BANF1: variants seen among roughly 807,000 people sequenced by gnomAD.
The protein encoded by BANF1 is barrier to autointegration nuclear assembly factor 1.
For missense variants in BANF1, 47 were observed against 110.4 expected (o/e 0.43, Z 2.57); for synonymous variants, 49 against 43.7 (o/e 1.12, Z -0.48).
At position 66,003,963 on chromosome 11, in the gene BANF1, C is replaced by G; in HGVS notation, c.*191C>G. On this transcript the variant is annotated 3_prime_UTR_variant, in exon 3 of 3. Transcript: ENST00000312175. ...TTTGGATTCTCGCTCTTGCATGCCT[C>G]CCCCGTCCTTTTTCCCTTGCCAGTT... 1.4e-6 allele frequency: 1 copy of G among 691,956 alleles called. No homozygotes were observed. The highest frequency in any genetic ancestry group is 2.7e-5 in the Admixed American group (1 of 37,374). The allele number at this position is 691,956 out of a possible 1,614,324, so 42.9% of individuals were successfully genotyped here. A position where few individuals can be genotyped will look rare whatever the true frequency, so the allele number is the denominator to read the frequency against.
chr11:66,003,986 G>C lies in BANF1; in HGVS notation c.*214G>C, dbSNP rs1338507298. 1.7e-6 allele frequency: 1 copy of C among 586,222 alleles called. No individual in the cohort carries two copies. Among genetic ancestry groups the C allele is most frequent in the African/African-American group, 1.9e-5 (1 of 53,362 alleles). 36.3% of individuals were successfully genotyped at this position (586,222 alleles called of 1,614,324 possible). On this transcript the variant is annotated 3_prime_UTR_variant, in exon 3 of 3. Transcript: ENST00000312175. ...CTCCCCCGTCCTTTTTCCCTTGCCA[G>C]TTCCCTGGTGACAGTTACCAGCTTT... is the stretch of plus-strand genomic sequence containing the variant.
chr11:66,003,590 TGAGC>T (rs757441761), intron 2 of BANF1, 32 bp from the exon 3 acceptor site: 10 of 1,429,292 alleles, frequency 7.0e-6, no homozygotes, highest in Non-Finnish European at 8.7e-6. Context: ...CACTGAGCAC[TGAGC>T]AGCACGCTCC....
rs1179263107 is a variant in BANF1, at chr11:66,003,093, C to T, written c.-16-142C>T. 3 of 838,940 alleles carry T rather than the reference C, an allele frequency of 3.6e-6. No individual in the cohort carries two copies. In the African/African-American group the frequency reaches 5.1e-5, roughly 14 times the overall value. The allele number at this position is 838,940 out of a possible 1,614,324, so 52.0% of individuals were successfully genotyped here. ...ATAGTAGGGAAGAGTCTCCCTGGAA[C>T]TGTTTTCTCCTTTCAGGATGAGGGG... On this transcript the variant is annotated intron_variant, in intron 1 of 2. Transcript: ENST00000312175.
intron 1 of BANF1, chr11:66,002,880 G>T: frequency 3.0e-6 from 1 of 332,042 alleles, no homozygotes; most frequent in Non-Finnish European, 5.9e-6. Flanking sequence ...CCAAGTGGCC[G>T]TTCCAGGCAG....
intron 1 of BANF1, chr11:66,002,912 CA>C: frequency 2.7e-6 from 1 of 367,568 alleles, no homozygotes; most frequent in South Asian, 2.3e-5. Context: ...TTGGTTCAGC[CA>C]AGGTCACAGA....
intron 2 of BANF1, 37 bp downstream of exon 2, chr11:66,003,410 G>A (rs1856056530): frequency 6.2e-7 from 1 of 1,613,536 alleles, no homozygotes; most frequent in Non-Finnish European, 8.5e-7. Flanking sequence ...GCAAGCGGGG[G>A]GTGGAAGGGA....
rs977463579 is a variant in BANF1, at chr11:66,002,535, T to C, written c.-52T>C. The C allele has an allele frequency of 6.6e-6, 1 of 152,304 alleles. No individual in the cohort carries two copies. The highest frequency in any genetic ancestry group is 1.5e-5 in the Non-Finnish European group (1 of 67,998). The allele number at this position is 152,304 out of a possible 1,614,324, so 9.4% of individuals were successfully genotyped here. Reference sequence around the variant, plus strand: ...TGAGGTATCCGCAGGAGCGGCCGGGTGGCGGGAGGAACCGTTACGGGAACT... The same window carrying C: ...TGAGGTATCCGCAGGAGCGGCCGGGCGGCGGGAGGAACCGTTACGGGAACT... On this transcript the variant is annotated 5_prime_UTR_variant, in exon 1 of 3. Transcript: ENST00000312175.
At chr11:66,003,571 C>T in intron 2 of BANF1, 55 bp from the exon 3 acceptor site, 1 of 1,588,550 alleles carries the variant, frequency 6.3e-7, no homozygotes, top group Non-Finnish European at 8.6e-7. Flanking sequence ...CTGTCTTGCT[C>T]TTATCTCTCA....
intron 1 of BANF1, 64 bp from the exon 2 acceptor site, chr11:66,003,171 G>C: frequency 6.4e-7 from 1 of 1,569,740 alleles, no homozygotes; most frequent in Non-Finnish European, 8.7e-7. Flanking sequence ...CTATGAGATT[G>C]CTCGTGGGCC....
rs188168356 is a variant in BANF1 at position 66,002,883 on chromosome 11, C to T, written c.-17+313C>T. On this transcript the variant is annotated intron_variant, in intron 1 of 2. Transcript: ENST00000312175. ...TAGCTTTCCACGCCAAGTGGCCGTT[C>T]CAGGCAGGCAGTGTCGTCTTGGTTC... The T allele has an allele frequency of 1.2e-5, 4 of 332,378 alleles. No homozygotes were observed. The East Asian group carries it at 3.1e-4, about 26-fold the overall frequency. 20.6% of individuals were successfully genotyped at this position (332,378 alleles called of 1,614,324 possible).
rs1331991392 is a variant in BANF1, at chr11:66,003,967, C to T, written c.*195C>T. ...GATTCTCGCTCTTGCATGCCTCCCCCGTCCTTTTTCCCTTGCCAGTTCCCT... is the reference window on the plus strand; with the variant it reads ...GATTCTCGCTCTTGCATGCCTCCCCTGTCCTTTTTCCCTTGCCAGTTCCCT... On this transcript the variant is annotated 3_prime_UTR_variant, in exon 3 of 3. Transcript: ENST00000312175. 8.9e-6 allele frequency: 6 copies of T among 673,834 alleles called. No homozygotes were observed. Among genetic ancestry groups the T allele is most frequent in the Middle Eastern group, 4.3e-4 (1 of 2,334 alleles). The allele number at this position is 673,834 out of a possible 1,614,324, so 41.7% of individuals were successfully genotyped here.
chr11:66,003,576 C>T, intron 2 of BANF1, 50 bp from the exon 3 acceptor site: 1 of 1,584,554 alleles, frequency 6.3e-7, no homozygotes, highest in South Asian at 1.1e-5. Context: ...TTGCTCTTAT[C>T]TCTCACTGAG....
In BANF1 at chr11:66,002,955, C is replaced by T. The variant is rs1474929256; in HGVS notation, c.-16-280C>T. 26 of 431,246 alleles carry T rather than the reference C, an allele frequency of 6.0e-5. No homozygotes were observed. In the East Asian group the frequency reaches 9.0e-4, roughly 15 times the overall value. The allele number at this position is 431,246 out of a possible 1,614,324, so 26.7% of individuals were successfully genotyped here. ...GATAGCTTCCGCGCAGCCCTGGCTA[C>T]GGACTCTGGGCATCTTTCCACTGCC... On this transcript the variant is annotated intron_variant, in intron 1 of 2. Coordinates refer to ENST00000312175, the MANE Select transcript of BANF1 (RefSeq NM_003860.4).
rs1316182131 is a variant in BANF1, at chr11:66,003,274, A to G, written c.24A>G (p.Arg8=). Reference sequence around the variant, plus strand: ...AGATGACAACCTCCCAAAAGCACCGAGACTTCGTGGCAGAGCCCATGGGGG... The same window carrying G: ...AGATGACAACCTCCCAAAAGCACCGGGACTTCGTGGCAGAGCCCATGGGGG... MTTSQKH[R]DFVAEPMGEK... Residue 8 remains arginine, a synonymous_variant, in exon 2 of 3, where the codon CGA becomes CGG. Coordinates refer to ENST00000312175, the MANE Select transcript of BANF1 (RefSeq NM_003860.4). 3 of 1,613,398 alleles carry G rather than the reference A, an allele frequency of 1.9e-6. No homozygotes were observed. The African/African-American group carries it at 4.0e-5, about 22-fold the overall frequency.
chr11:66,003,193 C>A, intron 1 of BANF1, 42 bp from the exon 2 acceptor site: 2 of 1,608,020 alleles, frequency 1.2e-6, no homozygotes, highest in Non-Finnish European at 1.7e-6. Context: ...TTAGAAGTTC[C>A]AGGTCTTCAG....
In BANF1 at chr11:66,003,673, CCT is replaced by C. The variant is rs767756912; in HGVS notation, c.174_175del (p.Phe59ProfsTer50). The C allele has an allele frequency of 1.2e-6, 2 of 1,614,104 alleles. No homozygotes were observed. The highest frequency in any genetic ancestry group is 1.7e-5 in the Admixed American group (1 of 60,012). ...TTCTGGTGCTAAAGAAAGATGAAGA[CCT>C]CTTCCGGGAATGGCTGAAAGACACT... The part of the protein sequence containing the change: ...QFLVLKKDED[L>X]FREWLKDTCG... On this transcript the variant is annotated frameshift_variant, in exon 3 of 3. Transcript: ENST00000312175. LOFTEE classifies it high-confidence loss of function.
chr11:66,003,698 A>T lies in BANF1; in HGVS notation c.196A>T (p.Thr66Ser). The change falls in exon 3 of 3, where the codon ACT becomes TCT. Residue 66 changes from threonine to serine, a missense_variant. Transcript: ENST00000312175. ...CCTCTTCCGGGAATGGCTGAAAGAC[A>T]CTTGTGGCGCCAACGCCAAGCAGTC... The part of the protein sequence containing the change: ...EDLFREWLKD[T>S]CGANAKQSRD... 1 of 1,614,094 alleles carries T rather than the reference A, an allele frequency of 6.2e-7. No individual in the cohort carries two copies. The highest frequency in any genetic ancestry group is 8.5e-7 in the Non-Finnish European group (1 of 1,180,016).
At chr11:66,003,578 CTCACTGA>C in intron 2 of BANF1, 41 bp from the exon 3 acceptor site, 1 of 1,583,940 alleles carries the variant, frequency 6.3e-7, no homozygotes, top group Middle Eastern at 1.7e-4. Context: ...GCTCTTATCT[CTCACTGA>C]GCACTGAGCA....
In BANF1 at chr11:66,003,948, C is replaced by T. The variant is rs926374176; in HGVS notation, c.*176C>T. 21 of 822,914 alleles carry T rather than the reference C, an allele frequency of 2.6e-5. No individual in the cohort carries two copies. Among genetic ancestry groups the T allele is most frequent in the South Asian group, 4.9e-5 (3 of 60,922 alleles). The allele number at this position is 822,914 out of a possible 1,614,324, so 51.0% of individuals were successfully genotyped here. On this transcript the variant is annotated 3_prime_UTR_variant, in exon 3 of 3. Coordinates refer to ENST00000312175, the MANE Select transcript of BANF1 (RefSeq NM_003860.4). ...CCATTTCAACTTTTTTTTGGATTCT[C>T]GCTCTTGCATGCCTCCCCCGTCCTT...
Sources: gnomAD v4.1 joint callset for allele counts on GRCh38, gnomAD v4.1.1 for gene constraint, MANE v1.5 for transcripts, NCBI Gene and HGNC (gene_info 2026-07-23, HGNC 2026-07-21) for gene names.